The following FOXP1 variants were observed in gnomAD, a reference collection of about 807,000 sequenced individuals.
FOXP1 encodes forkhead box protein P1.
Under a neutral mutation model 98.2 loss-of-function variants are expected in FOXP1, and 15 were observed. The observed-to-expected ratio is 0.15, with a 90% CI of 0.10 to 0.24. The LOEUF (loss-of-function observed/expected upper bound fraction) is 0.24, where lower values mean the gene tolerates loss of function less well. FOXP1 is among the 10% of genes least tolerant of loss of function. The pLI is 1.00. For missense variants in FOXP1, 633 were observed against 848.5 expected (o/e 0.75, Z 3.15); for synonymous variants, 371 against 314.5 (o/e 1.18, Z -1.90).
intron 3 of FOXP1, among the ~76,000 whole-genome samples, chr3:71,375,638 T>C (rs2079656662): frequency 6.6e-6 from 1 of 152,172 alleles, no homozygotes; most frequent in South Asian, 2.1e-4. Context: ...GGAGACATTC[T>C]AGACTGAAAC....
chr3:71,519,064 G>A (rs907043096), intron 2 of FOXP1, among the ~76,000 whole-genome samples: 2 of 152,186 alleles, frequency 1.3e-5, no homozygotes, highest in African/African-American at 4.8e-5. Flanking sequence ...TGGCCAACAC[G>A]GTGAAACCCC....
chr3:71,337,214 T>C (rs578195198), intron 4 of FOXP1, among the ~76,000 whole-genome samples: 1 of 152,256 alleles, frequency 6.6e-6, no homozygotes, highest in Admixed American at 6.5e-5. Context: ...AAGTTCAATT[T>C]CTTGATTTGG....
chr3:71,009,167 G>GGT (rs1559707758), intron 12 of FOXP1, among the ~76,000 whole-genome samples: 1 of 84,024 alleles, frequency 1.2e-5, no homozygotes, highest in Non-Finnish European at 3.0e-5. Context: ...GGGGGGGGGG[G>GGT]GCGCATGACA....
chr3:71,271,074 T>C (rs1436366228), intron 5 of FOXP1, among the ~76,000 whole-genome samples: 7 of 152,130 alleles, frequency 4.6e-5, no homozygotes, highest in African/African-American at 1.7e-4. Flanking sequence ...CTGCTAAAAA[T>C]ACAAAATTAG....
At chr3:71,136,467 T>C (rs551207752) in intron 6 of FOXP1, among the ~76,000 whole-genome samples, 2 of 152,226 alleles carry the variant, frequency 1.3e-5, no homozygotes, top group African/African-American at 2.4e-5. Context: ...GTAAAAATCA[T>C]TCACATTAAT....
At chr3:71,010,622 TA>T (rs2043451224) in intron 12 of FOXP1, among the ~76,000 whole-genome samples, 1 of 152,088 alleles carries the variant, frequency 6.6e-6, no homozygotes, top group African/African-American at 2.4e-5. Flanking sequence ...CTTTATTAAG[TA>T]AGAATACCAA....
intron 6 of FOXP1, among the ~76,000 whole-genome samples, chr3:71,174,605 C>T (rs993461721): frequency 5.4e-4 from 82 of 152,250 alleles, no homozygotes; most frequent in African/African-American, 2.0e-3. Flanking sequence ...AAGACTGTTT[C>T]TGAATACATC....
chr3:71,247,383 T>A (rs988250707), intron 5 of FOXP1, among the ~76,000 whole-genome samples: 7 of 152,130 alleles, frequency 4.6e-5, no homozygotes, highest in African/African-American at 1.7e-4. Flanking sequence ...GAAACGACAA[T>A]GGGACAAGTG....
intron 2 of FOXP1, among the ~76,000 whole-genome samples, chr3:71,501,086 G>A (rs2041304493): frequency 6.6e-6 from 1 of 152,012 alleles, no homozygotes; most frequent in South Asian, 2.1e-4. Context: ...CAGCTATTCG[G>A]GAGGCTGAGG....
intron 17 of FOXP1, among the ~76,000 whole-genome samples, chr3:70,973,136 T>TAAAACTTCCAGAGGTCCTA (rs2036642218): frequency 6.6e-6 from 1 of 152,232 alleles, no homozygotes; most frequent in Admixed American, 6.5e-5. Context: ...TTCTGGCTTT[T>TAAAACTTCCAGAGGTCCTA]AAAACTTCCA....
intron 7 of FOXP1, among the ~76,000 whole-genome samples, chr3:71,094,063 T>C (rs11925635): frequency 6.6e-6 from 1 of 152,122 alleles, no homozygotes; most frequent in Non-Finnish European, 1.5e-5. Context: ...AGACCAAACC[T>C]GAACTTTGAA....
At chr3:71,324,551 G>A (rs372775811) in intron 4 of FOXP1, among the ~76,000 whole-genome samples, 1 of 151,996 alleles carries the variant, frequency 6.6e-6, no homozygotes, top group African/African-American at 2.4e-5. Flanking sequence ...TCACTCATAG[G>A]TGGGAAATGA....
chr3:71,446,747 A>C (rs2086483028), intron 3 of FOXP1, among the ~76,000 whole-genome samples: 1 of 152,248 alleles, frequency 6.6e-6, no homozygotes, highest in African/African-American at 2.4e-5. Flanking sequence ...TGGGATGCAC[A>C]GCTTCCAGCA....
chr3:70,973,771 C>T (rs912409571), intron 17 of FOXP1, among the ~76,000 whole-genome samples: 3 of 151,066 alleles, frequency 2.0e-5, no homozygotes, highest in African/African-American at 7.3e-5. Context: ...ATACATACAT[C>T]ACACTGGGTA....
In FOXP1 at chr3:70,978,008, T is replaced by A. The variant is rs761840006; in HGVS notation, c.1168A>T (p.Thr390Ser). 2.9e-5 allele frequency: 47 copies of A among 1,613,496 alleles called. No individual in the cohort carries two copies. Among genetic ancestry groups the A allele is most frequent in the Non-Finnish European group, 3.8e-5 (45 of 1,179,872 alleles). Residue 390 changes from threonine to serine, a missense_variant, in exon 15 of 21, where the codon ACT becomes TCT. Thr to Ser is a moderately conservative substitution (Grantham distance 58). Transcript: ENST00000649528. Reference protein sequence around the residue: ...PQPLNLVSSVTLSKSASEASP... With the variant: ...PQPLNLVSSVSLSKSASEASP... ...GCCTCCGATGCGGACTTGGAGAGAGTGACACTTGATACCAGATTCAACTGC... is the reference window on the plus strand; with the variant it reads ...GCCTCCGATGCGGACTTGGAGAGAGAGACACTTGATACCAGATTCAACTGC...
intron 3 of FOXP1, among the ~76,000 whole-genome samples, chr3:71,400,467 C>T (rs1024580344): frequency 1.3e-5 from 2 of 152,092 alleles, no homozygotes; most frequent in African/African-American, 2.4e-5. Flanking sequence ...AATCGATTCT[C>T]GTGCCTCAGC....
At chr3:71,148,145 G>A (rs1371423246) in intron 6 of FOXP1, among the ~76,000 whole-genome samples, 1 of 152,210 alleles carries the variant, frequency 6.6e-6, no homozygotes, top group African/African-American at 2.4e-5. Flanking sequence ...GGGAGGCCGA[G>A]GCAGGCAGAT....
At chr3:71,065,485 G>A (rs1341567045) in intron 7 of FOXP1, 1 of 152,256 alleles carries the variant, frequency 6.6e-6, no homozygotes, top group African/African-American at 2.4e-5. Context: ...GAGAACTTTC[G>A]CTTCACGTCG....
intron 2 of FOXP1, among the ~76,000 whole-genome samples, chr3:71,562,411 G>A (rs1320440645): frequency 1.3e-5 from 2 of 152,252 alleles, no homozygotes; most frequent in Non-Finnish European, 2.9e-5. Context: ...TAAGGGTCAT[G>A]CGGCTTGTCA....
Sources: allele counts gnomAD v4.1 joint callset (sites outside exome capture counted in the v4.1 genomes callset), GRCh38; gene constraint gnomAD v4.1.1; transcripts MANE v1.5; gene names NCBI Gene and HGNC (gene_info 2026-07-23, HGNC 2026-07-21).